The following NRP2 variants were observed in gnomAD, a reference collection of about 807,000 sequenced individuals.
NRP2 encodes neuropilin 2.
NRP2 carries 52 observed loss-of-function variants against 110.4 expected under a neutral mutation model. The observed-to-expected ratio is 0.47, with a 90% CI of 0.38 to 0.59. NRP2 has a LOEUF of 0.59. NRP2 is among the 20% of genes least tolerant of loss of function. The pLI is 0.00. For synonymous variants in NRP2, 508 were observed against 468.9 expected, an observed-to-expected ratio of 1.08 and a Z score of -1.08; for missense variants, 1,049 against 1,203.0, an observed-to-expected ratio of 0.87 and a Z score of 1.89.
chr2:205,722,495 A>T lies in NRP2; in HGVS notation c.451A>T (p.Lys151Ter). 2 of 1,614,224 alleles carry T rather than the reference A, an allele frequency of 1.2e-6. No homozygotes were observed. Among genetic ancestry groups the T allele is most frequent in the Non-Finnish European group, 1.7e-6 (2 of 1,180,034 alleles). The change falls in exon 4 of 17, where the codon AAA (lysine) becomes TAA (stop). Residue 151 changes from lysine to a stop codon, truncating the protein, a stop_gained. Coordinates refer to ENST00000357785, the MANE Select transcript of NRP2 (RefSeq NM_003872.3). LOFTEE classifies it high-confidence loss of function. Reference sequence around the variant, plus strand: ...ACATACAGGCTCTGAAGATTGCTCAAAAAACTTCACAAGCCCCAACGGGAC... The same window carrying T: ...ACATACAGGCTCTGAAGATTGCTCATAAAACTTCACAAGCCCCAACGGGAC... ...IFKTGSEDCS[K>*]NFTSPNGTIE...
chr2:205,742,174 T>C (rs849570), intron 8 of NRP2, among the ~76,000 whole-genome samples: 29,384 of 152,174 alleles, frequency 0.19, 3,643 homozygotes, highest in East Asian at 0.45. Flanking sequence ...TGGAGGATCT[T>C]TTTTATCCAT....
intron 15 of NRP2, among the ~76,000 whole-genome samples, chr2:205,768,917 A>C (rs1313423898): frequency 6.6e-6 from 1 of 152,228 alleles, no homozygotes; most frequent in Non-Finnish European, 1.5e-5. Flanking sequence ...CACGTTTTAC[A>C]TGGAGATCTG....
intron 11 of NRP2, chr2:205,752,360 G>C (rs1444734933): frequency 4.5e-6 from 1 of 223,778 alleles, no homozygotes; most frequent in Non-Finnish European, 8.9e-6. Context: ...CTCCTCACTG[G>C]GCAGAACCTC....
chr2:205,758,488 C>T (rs1175094490), intron 12 of NRP2, among the ~76,000 whole-genome samples: 1 of 152,182 alleles, frequency 6.6e-6, no homozygotes, highest in African/African-American at 2.4e-5. Flanking sequence ...GGCCGTAAAT[C>T]GCCAGGTGAA....
intron 15 of NRP2, chr2:205,776,480 C>T (rs1443319796): frequency 6.2e-7 from 1 of 1,611,008 alleles, no homozygotes; most frequent in Non-Finnish European, 8.5e-7. Context: ...GCGGTGGAGC[C>T]CACCCTAACC....
intron 8 of NRP2, among the ~76,000 whole-genome samples, chr2:205,742,273 T>G (rs1422086852): frequency 6.6e-6 from 1 of 152,258 alleles, no homozygotes; most frequent in Non-Finnish European, 1.5e-5. Flanking sequence ...CTCAATCATT[T>G]GTTCCACACA....
At chr2:205,786,565 T>C (rs986487107) in intron 15 of NRP2, among the ~76,000 whole-genome samples, 1 of 152,218 alleles carries the variant, frequency 6.6e-6, no homozygotes, top group African/African-American at 2.4e-5. Context: ...ATTTCATCTC[T>C]AAAGTCAAAG....
intron 15 of NRP2, among the ~76,000 whole-genome samples, chr2:205,775,041 C>A (rs759150248): frequency 3.3e-5 from 5 of 152,114 alleles, no homozygotes; most frequent in Non-Finnish European, 7.4e-5. Flanking sequence ...TGAAGGAGCC[C>A]GCAGCACTTC....
At chr2:205,726,317 G>A (rs1456182024) in intron 6 of NRP2, among the ~76,000 whole-genome samples, 3 of 152,208 alleles carry the variant, frequency 2.0e-5, no homozygotes, top group East Asian at 3.9e-4. Context: ...GGCCTGGGGA[G>A]AAGTTGTTTG....
intron 15 of NRP2, chr2:205,776,570 C>A (rs2058104452): frequency 1.2e-6 from 2 of 1,600,066 alleles, no homozygotes; most frequent in Non-Finnish European, 1.7e-6. Flanking sequence ...AGAAAGACTG[C>A]AAACATGTTG....
intron 8 of NRP2, among the ~76,000 whole-genome samples, chr2:205,741,092 C>T (rs1238068380): frequency 6.6e-6 from 1 of 152,208 alleles, no homozygotes; most frequent in African/African-American, 2.4e-5. Flanking sequence ...CTCTCTGCTG[C>T]CTCAACCGGG....
intron 15 of NRP2, among the ~76,000 whole-genome samples, chr2:205,768,812 A>T (rs997611288): frequency 6.6e-6 from 1 of 152,160 alleles, no homozygotes; most frequent in African/African-American, 2.4e-5. Flanking sequence ...CATCTTTGGG[A>T]AGAAGAAACC....
At chr2:205,692,968 G>A (rs757768222) in intron 1 of NRP2, among the ~76,000 whole-genome samples, 3 of 152,146 alleles carry the variant, frequency 2.0e-5, no homozygotes, top group Non-Finnish European at 4.4e-5. Flanking sequence ...GCTTGCTAGT[G>A]GTGAGACTAG....
chr2:205,686,573 C>G lies in NRP2; in HGVS notation c.73+3210C>G, dbSNP rs1325810018. 6.6e-6 allele frequency among the ~76,000 whole-genome samples: 1 copy of G among 152,140 alleles called. No homozygotes were observed. The highest frequency in any genetic ancestry group is 1.5e-5 in the Non-Finnish European group (1 of 68,030). On this transcript the variant is annotated intron_variant, in intron 1 of 16. Coordinates refer to ENST00000357785, the MANE Select transcript of NRP2 (RefSeq NM_003872.3). This position sits in a 1 kb window ranked among gnomAD's most constrained non-coding sequence, Gnocchi z 4.7. The stretch of plus-strand genomic sequence containing the variant: ...TTCCCACCGGGTCGCAGGCGTCCAG[C>G]GGCTGGGTGGCGGGCGCCGGTAGCC...
At chr2:205,724,689 G>A (rs1190735776) in intron 5 of NRP2, among the ~76,000 whole-genome samples, 2 of 114,334 alleles carry the variant, frequency 1.7e-5, no homozygotes, top group South Asian at 2.8e-4. Context: ...TTGAGACAGA[G>A]TCTCTCTCTG....
At chr2:205,755,623 G>A (rs1340833456) in intron 12 of NRP2, among the ~76,000 whole-genome samples, 1 of 140,170 alleles carries the variant, frequency 7.1e-6, no homozygotes. Flanking sequence ...AAAAAAAAAA[G>A]GAGGGGGAGG....
intron 1 of NRP2, among the ~76,000 whole-genome samples, chr2:205,687,044 A>G (rs942508256): frequency 4.6e-5 from 7 of 152,172 alleles, no homozygotes; most frequent in African/African-American, 1.7e-4. Context: ...GCTTGGGGCC[A>G]AAAGAACCCA....
At chr2:205,684,209 G>A (rs1264959444) in intron 1 of NRP2, among the ~76,000 whole-genome samples, 1 of 152,024 alleles carries the variant, frequency 6.6e-6, no homozygotes, top group Non-Finnish European at 1.5e-5. Flanking sequence ...TGTGGGGAGC[G>A]GCAAGGGGTA....
At chr2:205,709,618 A>G (rs2105775139) in intron 2 of NRP2, among the ~76,000 whole-genome samples, 1 of 152,334 alleles carries the variant, frequency 6.6e-6, no homozygotes, top group African/African-American at 2.4e-5. Flanking sequence ...CAGGTTACAC[A>G]ACACCCTCTT....
Sources: allele counts gnomAD v4.1 joint callset (sites outside exome capture counted in the v4.1 genomes callset), GRCh38; gene constraint gnomAD v4.1.1; non-coding constraint Gnocchi (gnomAD v3.1); transcripts MANE v1.5; gene names NCBI Gene and HGNC (gene_info 2026-07-23, HGNC 2026-07-21).